TMEM200B: variants seen among roughly 807,000 people sequenced by gnomAD.
TMEM200B encodes transmembrane protein 200B, also known as transmembrane protein TTMA.
Under a neutral mutation model 17.6 loss-of-function variants are expected in TMEM200B, and 12 were observed. That is an observed-to-expected ratio of 0.68 (90% CI 0.44 to 1.11). The LOEUF (loss-of-function observed/expected upper bound fraction) is 1.11, where lower values mean the gene tolerates loss of function less well. TMEM200B is among the 50% of genes least tolerant of loss of function. The pLI, the probability that TMEM200B is intolerant of heterozygous loss-of-function variation, is 0.00. For synonymous variants in TMEM200B, 234 were observed against 209.2 expected (o/e 1.12, Z -1.02); for missense variants, 456 against 447.6 (o/e 1.02, Z -0.17).
intron 1 of TMEM200B, among the ~76,000 whole-genome samples, chr1:29,123,173 G>T (rs1293896402): frequency 1.3e-5 from 2 of 152,082 alleles, no homozygotes; most frequent in Non-Finnish European, 2.9e-5. Flanking sequence ...ACCCATCCCT[G>T]CCTCCGACTG....
chr1:29,121,649 CG>C lies in TMEM200B; in HGVS notation c.179del (p.Ala60GlyfsTer35), dbSNP rs1275295648. 2.8e-6 allele frequency: 4 copies of C among 1,430,560 alleles called. No homozygotes were observed. The allele number at this position is 1,430,560 out of a possible 1,614,324, so 88.6% of individuals were successfully genotyped here. ...SPSGAFAALG[A>X]LVVLVGMGIA... is the part of the protein sequence containing the mutation. ...TGCCCATACCCACCAGTACCACGAG[CG>C]CCCCCAGCGCCGCGAACGCCCCCGA... On this transcript the variant is annotated frameshift_variant, in exon 2 of 2. Transcript: ENST00000521452. LOFTEE classifies it high-confidence loss of function. This position sits in a 1 kb window ranked among gnomAD's most constrained non-coding sequence, Gnocchi z 5.6.
In TMEM200B at chr1:29,121,693, G is replaced by GCCGCGC. The variant is rs1404464072; in HGVS notation, c.130_135dup (p.Ala44_Arg45dup). 9 of 1,306,244 alleles carry GCCGCGC rather than the reference G, an allele frequency of 6.9e-6. No homozygotes were observed. The highest frequency in any genetic ancestry group is 3.3e-5 in the East Asian group (1 of 30,546). 80.9% of individuals were successfully genotyped at this position (1,306,244 alleles called of 1,614,324 possible). ...GCCCCCGACGGCGAGCGCAGCCGCA[G>GCCGCGC]CCGCGCCCGCACCCGCAGAGGCTCG... On this transcript the variant is annotated inframe_insertion, in exon 2 of 2. Transcript: ENST00000521452. The surrounding 1 kb of genome is among the most constrained non-coding windows in gnomAD (Gnocchi z 5.6).
At position 29,120,704 on chromosome 1, in the gene TMEM200B, C is replaced by T. The variant is rs1166666529; in HGVS notation, c.*201G>A. On this transcript the variant is annotated 3_prime_UTR_variant, in exon 2 of 2. Transcript: ENST00000521452. ...CACCCCACAGTGAAACGCACCCTCT[C>T]CAGCTCACTGAGCCCTGGTGCAGCT... is the stretch of plus-strand genomic sequence containing the variant. 3.0e-6 allele frequency: 2 copies of T among 667,036 alleles called. No homozygotes were observed. The highest frequency in any genetic ancestry group is 2.2e-5 in the South Asian group (1 of 45,086). 41.3% of individuals were successfully genotyped at this position (667,036 alleles called of 1,614,324 possible).
chr1:29,121,527 C>T lies in TMEM200B; in HGVS notation c.302G>A (p.Gly101Asp). The T allele has an allele frequency of 6.6e-7, 1 of 1,504,084 alleles. No individual in the cohort carries two copies. Among genetic ancestry groups the T allele is most frequent in the Non-Finnish European group, 8.8e-7 (1 of 1,133,962 alleles). 93.2% of individuals were successfully genotyped at this position (1,504,084 alleles called of 1,614,324 possible). The change falls in exon 2 of 2, where the codon GGT becomes GAT. Residue 101 changes from glycine to aspartate, a missense_variant. Coordinates refer to ENST00000521452, the MANE Select transcript of TMEM200B (RefSeq NM_001003682.4). The surrounding 1 kb of genome is among the most constrained non-coding windows in gnomAD (Gnocchi z 5.6). ...GCCGTGAGCCCGGCCCCCGCCGCGACCCTCGCGTCGCAGCTCGCTCATCTG... is the reference window on the plus strand; with the variant it reads ...GCCGTGAGCCCGGCCCCCGCCGCGATCCTCGCGTCGCAGCTCGCTCATCTG... ...SPQMSELRREGRGGGRAHGPH... is the reference protein window; with the variant it reads ...SPQMSELRREDRGGGRAHGPH...
chr1:29,121,237 A>G lies in TMEM200B; in HGVS notation c.592T>C (p.Ser198Pro). The G allele has an allele frequency of 6.2e-7, 1 of 1,613,100 alleles. No individual in the cohort carries two copies. ...AGACTCCGCACTGACGGGACGGGTGAAGTACCCCGACGCGGGGACGGGTCC... is the reference window on the plus strand; with the variant it reads ...AGACTCCGCACTGACGGGACGGGTGGAGTACCCCGACGCGGGGACGGGTCC... ...IWDPSPRRGT[S>P]PVPSVRSLRS... The change falls in exon 2 of 2, where the codon TCA becomes CCA. Residue 198 changes from serine (S) to proline (P), a missense_variant. Physicochemically the swap from Ser to Pro is moderately conservative, Grantham distance 74. Transcript: ENST00000521452. This position sits in a 1 kb window ranked among gnomAD's most constrained non-coding sequence, Gnocchi z 5.6.
Position 29,121,588 on chromosome 1 carries a change from C to T in TMEM200B, c.241G>A (p.Ala81Thr). The stretch of plus-strand genomic sequence containing the variant: ...GCATTGGCGGCCCGGGACCCTGGGG[C>T]CCCGGCCCGGTGCGGCCAGTAGCCG... ...VAGYWPHRAG[A>T]PGSRAANASS... The change falls in exon 2 of 2, where the codon GCC (alanine) becomes ACC (threonine). Residue 81 changes from alanine to threonine, a missense_variant. Transcript: ENST00000521452. The surrounding 1 kb of genome is among the most constrained non-coding windows in gnomAD (Gnocchi z 5.6). The T allele has an allele frequency of 6.7e-7, 1 of 1,491,368 alleles. No individual in the cohort carries two copies. The highest frequency in any genetic ancestry group is 8.9e-7 in the Non-Finnish European group (1 of 1,129,398). 92.4% of individuals were successfully genotyped at this position (1,491,368 alleles called of 1,614,324 possible). A position where few individuals can be genotyped will look rare whatever the true frequency, so the allele number is the denominator to read the frequency against.
Position 29,120,953 on chromosome 1 carries a change from C to A in TMEM200B, c.876G>T (p.Gly292=). 6.2e-7 allele frequency: 1 copy of A among 1,613,222 alleles called. No homozygotes were observed. The highest frequency in any genetic ancestry group is 8.5e-7 in the Non-Finnish European group (1 of 1,179,730). The stretch of plus-strand genomic sequence containing the variant: ...CTCCTCCTCCCAATTTGGCATAGCC[C>A]CCAAGACTGAGGCGGTCCAGCCGTG... The part of the protein sequence containing the change: ...SWPRLDRLSL[G]GYAKLGGGGD... The change falls in exon 2 of 2, where the codon GGG becomes GGT. Residue 292 remains glycine, a synonymous_variant. Coordinates refer to ENST00000521452, the MANE Select transcript of TMEM200B (RefSeq NM_001003682.4).
intron 1 of TMEM200B, among the ~76,000 whole-genome samples, chr1:29,123,529 C>A (rs1315589487): frequency 1.3e-5 from 2 of 152,124 alleles, no homozygotes; most frequent in Non-Finnish European, 2.9e-5. Context: ...CGCGTCGCTG[C>A]CGCGAGGGAA....
chr1:29,121,679 C>T lies in TMEM200B; in HGVS notation c.150G>A (p.Ser50=). The T allele has an allele frequency of 7.4e-7, 1 of 1,352,810 alleles. No homozygotes were observed. Among genetic ancestry groups the T allele is most frequent in the Non-Finnish European group, 9.5e-7 (1 of 1,054,234 alleles). The allele number at this position is 1,352,810 out of a possible 1,614,324, so 83.8% of individuals were successfully genotyped here. ...LRVRARLRLR[S]PSGAFAALGA... ...CCAGCGCCGCGAACGCCCCCGACGG[C>T]GAGCGCAGCCGCAGCCGCGCCCGCA... The change falls in exon 2 of 2, where the codon TCG becomes TCA. Residue 50 remains serine, a synonymous_variant. Coordinates refer to ENST00000521452, the MANE Select transcript of TMEM200B (RefSeq NM_001003682.4). This position sits in a 1 kb window ranked among gnomAD's most constrained non-coding sequence, Gnocchi z 5.6.
rs1266769274 is a variant in TMEM200B, at chr1:29,121,576, G to A, written c.253C>T (p.Arg85Trp). ...WPHRAGAPGSRAANASSPQMS... is the reference protein window; with the variant it reads ...WPHRAGAPGSWAANASSPQMS... Reference sequence around the variant, plus strand: ...TGGGGCGAGCTGGCATTGGCGGCCCGGGACCCTGGGGCCCCGGCCCGGTGC... The same window carrying A: ...TGGGGCGAGCTGGCATTGGCGGCCCAGGACCCTGGGGCCCCGGCCCGGTGC... The change falls in exon 2 of 2, where the codon CGG becomes TGG. Residue 85 changes from arginine (R) to tryptophan (W), a missense_variant. Physicochemically the swap from Arg to Trp is moderately radical, Grantham distance 101 (BLOSUM62 -3). Coordinates refer to ENST00000521452, the MANE Select transcript of TMEM200B (RefSeq NM_001003682.4). The surrounding 1 kb of genome is among the most constrained non-coding windows in gnomAD (Gnocchi z 5.6). 1.8e-5 allele frequency: 27 copies of A among 1,495,362 alleles called. No individual in the cohort carries two copies. The highest frequency in any genetic ancestry group is 4.5e-5 in the Admixed American group (2 of 44,536). The allele number at this position is 1,495,362 out of a possible 1,614,324, so 92.6% of individuals were successfully genotyped here.
In TMEM200B at chr1:29,121,976, G is replaced by T. The variant is rs923251687; in HGVS notation, c.-20-128C>A. ...CCCAGGCCGCTTGGAGATCCCTGGCGGCCACCCCCGGATTTTCCCGGGCGG... is the reference window on the plus strand; with the variant it reads ...CCCAGGCCGCTTGGAGATCCCTGGCTGCCACCCCCGGATTTTCCCGGGCGG... On this transcript the variant is annotated intron_variant, in intron 1 of 1. Coordinates refer to ENST00000521452, the MANE Select transcript of TMEM200B (RefSeq NM_001003682.4). The surrounding 1 kb of genome is among the most constrained non-coding windows in gnomAD (Gnocchi z 5.6). The T allele has an allele frequency of 1.9e-3, 1,365 of 705,172 alleles. 2 individuals carry two copies. The highest frequency in any genetic ancestry group is 2.0e-3 in the Non-Finnish European group (1,079 of 536,186). 43.7% of individuals were successfully genotyped at this position (705,172 alleles called of 1,614,324 possible). A position where few individuals can be genotyped will look rare whatever the true frequency, so the allele number is the denominator to read the frequency against.
rs1432055298 is a variant in TMEM200B at position 29,121,674 on chromosome 1, G to C, written c.155C>G (p.Ser52Trp). The C allele has an allele frequency of 7.3e-7, 1 of 1,376,702 alleles. No individual in the cohort carries two copies. The highest frequency in any genetic ancestry group is 9.4e-7 in the Non-Finnish European group (1 of 1,066,876). The allele number at this position is 1,376,702 out of a possible 1,614,324, so 85.3% of individuals were successfully genotyped here. ...CGCCCCCAGCGCCGCGAACGCCCCC[G>C]ACGGCGAGCGCAGCCGCAGCCGCGC... ...VRARLRLRSP[S>W]GAFAALGALV... The change falls in exon 2 of 2, where the codon TCG (serine) becomes TGG (tryptophan). Residue 52 changes from serine (S) to tryptophan (W), a missense_variant. Transcript: ENST00000521452. The surrounding 1 kb of genome is among the most constrained non-coding windows in gnomAD (Gnocchi z 5.6).
At position 29,121,131 on chromosome 1, in the gene TMEM200B, G is replaced by A; in HGVS notation, c.698C>T (p.Pro233Leu). 1.9e-6 allele frequency: 3 copies of A among 1,613,828 alleles called. No individual in the cohort carries two copies. Among genetic ancestry groups the A allele is most frequent in the East Asian group, 2.2e-5 (1 of 44,888 alleles). The stretch of plus-strand genomic sequence containing the variant: ...AGTCTGCGTCCGTGGACCCCAGGGT[G>A]GGGGCAGCCCGGGGCCCTTCAGCGG... Reference protein sequence around the residue: ...SYPLKGPGLPPPWGPRTQTGH... With the variant: ...SYPLKGPGLPLPWGPRTQTGH... The change falls in exon 2 of 2, where the codon CCA becomes CTA. Residue 233 changes from proline to leucine, a missense_variant. By Grantham distance (98) the Pro-to-Leu change is moderately conservative. Coordinates refer to ENST00000521452, the MANE Select transcript of TMEM200B (RefSeq NM_001003682.4). This position sits in a 1 kb window ranked among gnomAD's most constrained non-coding sequence, Gnocchi z 5.6.
chr1:29,121,785 C>G lies in TMEM200B; in HGVS notation c.44G>C (p.Ser15Thr). 1.6e-6 allele frequency: 2 copies of G among 1,261,636 alleles called. No individual in the cohort carries two copies. The highest frequency in any genetic ancestry group is 2.0e-6 in the Non-Finnish European group (2 of 1,004,706). The allele number at this position is 1,261,636 out of a possible 1,614,324, so 78.2% of individuals were successfully genotyped here. A position where few individuals can be genotyped will look rare whatever the true frequency, so the allele number is the denominator to read the frequency against. The stretch of plus-strand genomic sequence containing the variant: ...CAAGCGAGAGACGCGGCCCTCGGGG[C>G]TCCTCCGCACCTCCCCGCATTCTTC... Reference protein sequence around the residue: ...SPEECGEVRRSPEGRVSRLGR... With the variant: ...SPEECGEVRRTPEGRVSRLGR... The change falls in exon 2 of 2, where the codon AGC becomes ACC. Residue 15 changes from serine to threonine, a missense_variant. Transcript: ENST00000521452. This position sits in a 1 kb window ranked among gnomAD's most constrained non-coding sequence, Gnocchi z 5.6.
chr1:29,121,097 C>T lies in TMEM200B; in HGVS notation c.732G>A (p.Val244=). Residue 244 remains valine, a synonymous_variant, in exon 2 of 2, where the codon GTG becomes GTA. Coordinates refer to ENST00000521452, the MANE Select transcript of TMEM200B (RefSeq NM_001003682.4). This position sits in a 1 kb window ranked among gnomAD's most constrained non-coding sequence, Gnocchi z 5.6. ...PWGPRTQTGH[V]IITVQPSGSC... ...AGCCAGACGGCTGCACGGTGATGATCACATGGCCAGTCTGCGTCCGTGGAC... is the reference window on the plus strand; with the variant it reads ...AGCCAGACGGCTGCACGGTGATGATTACATGGCCAGTCTGCGTCCGTGGAC... The T allele has an allele frequency of 2.5e-6, 4 of 1,613,866 alleles. No individual in the cohort carries two copies. Among genetic ancestry groups the T allele is most frequent in the Non-Finnish European group, 3.4e-6 (4 of 1,180,028 alleles).
In TMEM200B at chr1:29,121,523, G is replaced by C. The variant is rs539100606; in HGVS notation, c.306C>G (p.Arg102=). ...PQMSELRREG[R]GGGRAHGPHE... ...GCGGGCCGTGAGCCCGGCCCCCGCC[G>C]CGACCCTCGCGTCGCAGCTCGCTCA... The change falls in exon 2 of 2, where the codon CGC becomes CGG. Residue 102 remains arginine, a synonymous_variant. Coordinates refer to ENST00000521452, the MANE Select transcript of TMEM200B (RefSeq NM_001003682.4). This position sits in a 1 kb window ranked among gnomAD's most constrained non-coding sequence, Gnocchi z 5.6. 981 of 1,504,166 alleles carry C rather than the reference G, an allele frequency of 6.5e-4. 6 individuals carry two copies. In the African/African-American group the frequency reaches 0.011, roughly 17 times the overall value. The allele number at this position is 1,504,166 out of a possible 1,614,324, so 93.2% of individuals were successfully genotyped here. A position where few individuals can be genotyped will look rare whatever the true frequency, so the allele number is the denominator to read the frequency against.
chr1:29,123,707 GC>G (rs1671895992), intron 1 of TMEM200B, 148 bp downstream of exon 1: 1 of 144,452 alleles, frequency 6.9e-6, no homozygotes, highest in Admixed American at 6.8e-5. Context: ...TCCCGCCACC[GC>G]CCGCGTCCAC....
chr1:29,120,967 G>T lies in TMEM200B; in HGVS notation c.862C>A (p.Arg288Ser). 6.2e-7 allele frequency: 1 copy of T among 1,613,474 alleles called. No individual in the cohort carries two copies. ...TTGGCATAGCCCCCAAGACTGAGGC[G>T]GTCCAGCCGTGGCCAGCTTCGGTGA... ...CAHRSWPRLD[R>S]LSLGGYAKLG... The change falls in exon 2 of 2, where the codon CGC becomes AGC. Residue 288 changes from arginine to serine, a missense_variant. Transcript: ENST00000521452.
At chr1:29,122,749 G>T (rs1233787475) in intron 1 of TMEM200B, among the ~76,000 whole-genome samples, 1 of 152,000 alleles carries the variant, frequency 6.6e-6, no homozygotes, top group African/African-American at 2.4e-5. Flanking sequence ...CCCCTTTCCC[G>T]CCGCCTGGCC....
Sources: gnomAD v4.1 joint callset for allele counts (sites outside exome capture counted in the v4.1 genomes callset) on GRCh38, gnomAD v4.1.1 for gene constraint, Gnocchi (gnomAD v3.1) non-coding constraint, MANE v1.5 for transcripts, NCBI Gene and HGNC (gene_info 2026-07-23, HGNC 2026-07-21) for gene names.